Variants in OLFM2 observed in about 807,000 individuals in gnomAD.
OLFM2 encodes the protein noelin-2.
A neutral mutation model predicts 43.9 loss-of-function variants in OLFM2; 20 were observed. That is an observed-to-expected ratio of 0.46 (90% CI 0.32 to 0.66). OLFM2 has a LOEUF of 0.66. OLFM2 is among the 30% of genes least tolerant of loss of function. The pLI, the probability that OLFM2 is intolerant of heterozygous loss-of-function variation, is 0.04. For missense variants in OLFM2, 416 were observed against 643.6 expected (o/e 0.65, Z 3.83); for synonymous variants, 268 against 278.6 (o/e 0.96, Z 0.38).
chr19:9,890,725 G>C (rs778390374), intron 1 of OLFM2, among the ~76,000 whole-genome samples: 54 of 151,880 alleles, frequency 3.6e-4, no homozygotes, highest in Middle Eastern at 3.4e-3. Context: ...GGCCAAGGCA[G>C]GAGAACTGCT....
At chr19:9,924,406 CAAAAAAAAAAAAA>C (rs1166738814) in intron 1 of OLFM2, among the ~76,000 whole-genome samples, 6 of 25,786 alleles carry the variant, frequency 2.3e-4, no homozygotes, top group Admixed American at 5.8e-4. Context: ...ACTCTGTCTC[CAAAAAAAAAAAAA>C]AAAAAAAAAA....
At chr19:9,917,425 T>G (rs373093636) in intron 1 of OLFM2, among the ~76,000 whole-genome samples, 3 of 152,130 alleles carry the variant, frequency 2.0e-5, no homozygotes, top group African/African-American at 7.2e-5. Flanking sequence ...TTTCCCAGAT[T>G]CCATTGCATA....
At chr19:9,872,331 G>GT (rs1599472182) in intron 1 of OLFM2, among the ~76,000 whole-genome samples, 1 of 152,064 alleles carries the variant, frequency 6.6e-6, no homozygotes, top group East Asian at 1.9e-4. Flanking sequence ...GGGCAATATG[G>GT]TAAGACCCTG....
At position 9,854,486 on chromosome 19, in the gene OLFM2, G is replaced by A. The variant is rs755881905; in HGVS notation, c.1065C>T (p.Leu355=). 20 of 1,613,878 alleles carry A rather than the reference G, an allele frequency of 1.2e-5. No individual in the cohort carries two copies. Among genetic ancestry groups the A allele is most frequent in the Admixed American group, 8.3e-5 (5 of 60,002 alleles). ...IVVSRLDPHT[L]EVMRSWDTGY... Reference sequence around the variant, plus strand: ...CGGTGTCCCAGGACCGCATGACCTCGAGGGTGTGCGGGTCCAGCCGGCTGA... The same window carrying A: ...CGGTGTCCCAGGACCGCATGACCTCAAGGGTGTGCGGGTCCAGCCGGCTGA... Residue 355 remains leucine, a synonymous_variant, in exon 6 of 6, where the codon CTC becomes CTT. Transcript: ENST00000264833. The surrounding 1 kb of genome is among the most constrained non-coding windows in gnomAD (Gnocchi z 9.5).
chr19:9,901,676 G>C (rs2046741310), intron 1 of OLFM2, among the ~76,000 whole-genome samples: 1 of 152,154 alleles, frequency 6.6e-6, no homozygotes, highest in African/African-American at 2.4e-5. Context: ...CTGGAGATTT[G>C]GTTATTTGTG....
Position 9,919,176 on chromosome 19 carries a change from C to CTTTTTTTTTTT in OLFM2, c.63+17127_63+17128insAAAAAAAAAAA, listed in dbSNP as rs36124685. 3.9e-3 allele frequency among the ~76,000 whole-genome samples: 585 copies of CTTTTTTTTTTT among 149,240 alleles called. 4 individuals are homozygous for CTTTTTTTTTTT. Among genetic ancestry groups the CTTTTTTTTTTT allele is most frequent in the African/African-American group, 0.014 (556 of 40,054 alleles). On this transcript the variant is annotated intron_variant, in intron 1 of 5. Coordinates refer to ENST00000264833, the MANE Select transcript of OLFM2 (RefSeq NM_058164.4). Reference sequence around the variant, plus strand: ...ACGCAGTGAGACCTCATTTCTCTCTCTTTTTTTTGAGATGGAGTCTCGCTC... The same window carrying CTTTTTTTTTTT: ...ACGCAGTGAGACCTCATTTCTCTCTCTTTTTTTTTTTTTTTTTTTGAGATGGAGTCTCGCTC...
At chr19:9,877,428 T>G (rs2046499951) in intron 1 of OLFM2, among the ~76,000 whole-genome samples, 1 of 148,644 alleles carries the variant, frequency 6.7e-6, no homozygotes, top group Non-Finnish European at 1.5e-5. Context: ...AGCTACTCTG[T>G]AGGCCGAGGC....
chr19:9,918,169 A>G (rs28670898), intron 1 of OLFM2, among the ~76,000 whole-genome samples: 96,868 of 151,318 alleles, frequency 0.64, 31,397 homozygotes, highest in African/African-American at 0.73. Context: ...ATGAGCCACC[A>G]TGCCTGGCCA....
intron 2 of OLFM2, among the ~76,000 whole-genome samples, chr19:9,858,619 G>A (rs150275311): frequency 6.6e-6 from 1 of 152,148 alleles, no homozygotes; most frequent in Non-Finnish European, 1.5e-5. Context: ...TTTTTTGGCT[G>A]AATGAGTAAA....
intron 1 of OLFM2, among the ~76,000 whole-genome samples, chr19:9,930,185 A>T (rs1252335768): frequency 6.6e-6 from 1 of 152,196 alleles, no homozygotes; most frequent in Non-Finnish European, 1.5e-5. Flanking sequence ...ATACACATAC[A>T]CGCATGACAC....
At chr19:9,881,516 G>T (rs914054361) in intron 1 of OLFM2, among the ~76,000 whole-genome samples, 1 of 152,190 alleles carries the variant, frequency 6.6e-6, no homozygotes, top group East Asian at 1.9e-4. Flanking sequence ...AGTTCTGGAG[G>T]CCGGAAGTCA....
chr19:9,877,828 TA>T (rs200408047), intron 1 of OLFM2, among the ~76,000 whole-genome samples: 330 of 142,092 alleles, frequency 2.3e-3, no homozygotes, highest in African/African-American at 7.7e-3. Flanking sequence ...ACTGGAAAAA[TA>T]AATTTTTTTT....
intron 1 of OLFM2, among the ~76,000 whole-genome samples, chr19:9,900,816 A>G (rs112679434): frequency 2.8e-3 from 421 of 148,824 alleles, no homozygotes; most frequent in African/African-American, 9.9e-3. Context: ...ACTTGAGCCC[A>G]GGAGGTTGAG....
At chr19:9,924,802 G>A (rs1015209202) in intron 1 of OLFM2, among the ~76,000 whole-genome samples, 1 of 152,200 alleles carries the variant, frequency 6.6e-6, no homozygotes, top group Non-Finnish European at 1.5e-5. Context: ...GAGAAAAGAC[G>A]TGTTACAGAA....
At chr19:9,911,802 G>A (rs2046829596) in intron 1 of OLFM2, among the ~76,000 whole-genome samples, 1 of 152,126 alleles carries the variant, frequency 6.6e-6, no homozygotes. Context: ...GCTTTCAATG[G>A]TGGTAGAGGG....
At chr19:9,870,627 C>G (rs1219177878) in intron 1 of OLFM2, among the ~76,000 whole-genome samples, 1 of 152,156 alleles carries the variant, frequency 6.6e-6, no homozygotes, top group Non-Finnish European at 1.5e-5. Flanking sequence ...CATCTCCAGG[C>G]CTTTGCACGG....
intron 1 of OLFM2, among the ~76,000 whole-genome samples, chr19:9,933,853 G>A (rs557723796): frequency 4.6e-5 from 7 of 152,286 alleles, no homozygotes; most frequent in East Asian, 1.9e-4. Flanking sequence ...CACAGCACCC[G>A]GCTCCAGTCT....
intron 1 of OLFM2, among the ~76,000 whole-genome samples, chr19:9,876,131 G>A (rs965955225): frequency 6.6e-6 from 1 of 152,186 alleles, no homozygotes; most frequent in Non-Finnish European, 1.5e-5. Context: ...GCCTGGGTGA[G>A]CTTTTCAGAT....
intron 2 of OLFM2, 53 bp downstream of exon 2, chr19:9,860,592 T>C: frequency 6.5e-7 from 1 of 1,540,838 alleles, no homozygotes; most frequent in Non-Finnish European, 8.7e-7. Context: ...GAGGGCGGGG[T>C]GAGAACTGGG....
Sources: allele counts gnomAD v4.1 joint callset (sites outside exome capture counted in the v4.1 genomes callset), GRCh38; gene constraint gnomAD v4.1.1; non-coding constraint Gnocchi (gnomAD v3.1); transcripts MANE v1.5; gene names NCBI Gene and HGNC (gene_info 2026-07-23, HGNC 2026-07-21).